MORC1: variants seen among roughly 807,000 people sequenced by gnomAD.
MORC1 encodes the protein MORC family CW-type zinc finger 1.
A neutral mutation model predicts 134.9 loss-of-function variants in MORC1; 59 were observed. The ratio of observed to expected loss-of-function variants is 0.44; its 90% CI spans 0.35 to 0.54. The LOEUF is 0.54. MORC1 is among the 20% of genes least tolerant of loss of function. The pLI, the probability that MORC1 is intolerant of heterozygous loss-of-function variation, is 0.00. For missense variants in MORC1, 947 were observed against 1,134.5 expected, an observed-to-expected ratio of 0.83 and a Z score of 2.37; for synonymous variants, 395 against 391.7, an observed-to-expected ratio of 1.01 and a Z score of -0.10.
At chr3:108,981,291 T>TAA (rs1947711825) in intron 23 of MORC1, among the ~76,000 whole-genome samples, 2 of 152,340 alleles carry the variant, frequency 1.3e-5, no homozygotes, top group South Asian at 4.1e-4. Context: ...GATGAGGATC[T>TAA]TTTAAAATTG....
chr3:108,997,518 A>T (rs1948267771), intron 21 of MORC1, among the ~76,000 whole-genome samples: 1 of 152,182 alleles, frequency 6.6e-6, no homozygotes, highest in Non-Finnish European at 1.5e-5. Flanking sequence ...AAAAAAATTT[A>T]AAAGGTAAAA....
In MORC1 at chr3:109,027,772, T is replaced by C; in HGVS notation, c.1683A>G (p.Arg561=). Residue 561 remains arginine, a synonymous_variant, in exon 17 of 28, where the codon AGA becomes AGG. Coordinates refer to ENST00000232603, the MANE Select transcript of MORC1 (RefSeq NM_014429.4). ...TCACCTGTGGCTGCTGTTCTGCCAG[T>C]CTATTTTGATACTTTATGACCGACT... ...LRESVIKYQN[R]LAEQQPQPQF... 1 of 1,613,880 alleles carries C rather than the reference T, an allele frequency of 6.2e-7. No individual in the cohort carries two copies. The highest frequency in any genetic ancestry group is 8.5e-7 in the Non-Finnish European group (1 of 1,179,846).
rs536395320 is a variant in MORC1 at position 108,989,976 on chromosome 3, G to A, written c.2188-3027C>T. The stretch of plus-strand genomic sequence containing the variant: ...TGGGAGGTAATTGAGTCATGGGGGC[G>A]GGTTTTTCCTGGCTGTTCTTGTGAC... On this transcript the variant is annotated intron_variant, in intron 21 of 27. Transcript: ENST00000232603. Among the ~76,000 whole-genome samples the A allele has an allele frequency of 4.6e-5, 7 of 152,152 alleles. No homozygotes were observed. In the East Asian group the frequency reaches 5.8e-4, roughly 13 times the overall value.
At chr3:109,103,136 C>T (rs540970502) in intron 4 of MORC1, among the ~76,000 whole-genome samples, 2 of 152,302 alleles carry the variant, frequency 1.3e-5, no homozygotes, top group South Asian at 4.1e-4. Flanking sequence ...ACTGAACTCT[C>T]ACCATTTTTT....
At chr3:109,029,987 T>C (rs1949203012) in intron 16 of MORC1, among the ~76,000 whole-genome samples, 1 of 152,186 alleles carries the variant, frequency 6.6e-6, no homozygotes, top group Non-Finnish European at 1.5e-5. Context: ...CATAGGCCTT[T>C]TATAAAAATG....
intron 15 of MORC1, among the ~76,000 whole-genome samples, chr3:109,034,727 C>T (rs1382377522): frequency 1.3e-5 from 2 of 148,532 alleles, no homozygotes; most frequent in African/African-American, 4.9e-5. Flanking sequence ...TTCATCTCTG[C>T]CTATCAAAAT....
intron 2 of MORC1, among the ~76,000 whole-genome samples, 178 bp downstream of exon 2, chr3:109,114,206 G>T (rs1951225893): frequency 6.6e-6 from 1 of 152,126 alleles, no homozygotes; most frequent in South Asian, 2.1e-4. Flanking sequence ...AAATAAAGGT[G>T]AATAATTATT....
At chr3:109,033,314 AAGGAAGGAAGGAAGGAAG>A (rs1949286066) in intron 15 of MORC1, among the ~76,000 whole-genome samples, 3 of 151,342 alleles carry the variant, frequency 2.0e-5, no homozygotes, top group Admixed American at 1.3e-4. Flanking sequence ...GGAAGGAAGG[AAGGAAGGAAGGAAGGAAG>A]GAAGGAAGGA....
chr3:109,011,518 G>GT (rs1224840111), intron 17 of MORC1, among the ~76,000 whole-genome samples: 14 of 146,124 alleles, frequency 9.6e-5, no homozygotes, highest in African/African-American at 3.3e-4. Flanking sequence ...TTTGTGCTTT[G>GT]TTTTTGTTTT....
chr3:109,050,155 G>A (rs1949787635), intron 14 of MORC1, among the ~76,000 whole-genome samples: 1 of 152,110 alleles, frequency 6.6e-6, no homozygotes, highest in Admixed American at 6.6e-5. Flanking sequence ...ACAGACTGTG[G>A]GCTCCTGGCC....
intron 15 of MORC1, among the ~76,000 whole-genome samples, chr3:109,034,985 G>T (rs1252527347): frequency 6.6e-6 from 1 of 152,052 alleles, no homozygotes; most frequent in African/African-American, 2.4e-5. Flanking sequence ...CTGAGCTCAA[G>T]CAATCTACCC....
intron 14 of MORC1, among the ~76,000 whole-genome samples, chr3:109,044,704 G>C (rs1949643724): frequency 6.6e-6 from 1 of 151,992 alleles, no homozygotes; most frequent in Non-Finnish European, 1.5e-5. Flanking sequence ...CAGCACTTTG[G>C]GAAGCTGAGG....
At chr3:108,996,781 C>T (rs571984591) in intron 21 of MORC1, among the ~76,000 whole-genome samples, 9 of 151,570 alleles carry the variant, frequency 5.9e-5, no homozygotes, top group Non-Finnish European at 1.2e-4. Context: ...GAGGCTGAGG[C>T]GGGCGGATCA....
chr3:109,093,149 T>C (rs531986256), intron 8 of MORC1, among the ~76,000 whole-genome samples: 10 of 152,186 alleles, frequency 6.6e-5, no homozygotes, highest in Admixed American at 1.3e-4. Context: ...CTGAATCATC[T>C]GGGGAACATT....
chr3:109,039,875 G>C (rs1249354970), intron 14 of MORC1, among the ~76,000 whole-genome samples: 3 of 152,206 alleles, frequency 2.0e-5, no homozygotes, highest in Middle Eastern at 3.4e-3. Flanking sequence ...GGGGATTTAA[G>C]GGACTGGTGT....
chr3:108,994,901 T>C (rs779332656), intron 21 of MORC1, among the ~76,000 whole-genome samples: 50 of 152,188 alleles, frequency 3.3e-4, no homozygotes, highest in Non-Finnish European at 6.8e-4. Context: ...GGATGTTTAG[T>C]CTGTGTGGTT....
intron 26 of MORC1, among the ~76,000 whole-genome samples, chr3:108,967,366 C>T (rs1947251761): frequency 6.6e-6 from 1 of 152,120 alleles, no homozygotes; most frequent in African/African-American, 2.4e-5. Flanking sequence ...ACAGTGCATT[C>T]AAATCAGAGT....
intron 24 of MORC1, among the ~76,000 whole-genome samples, chr3:108,978,796 GCCCGAGCATCT>G (rs1266117542): frequency 1.3e-5 from 2 of 152,036 alleles, no homozygotes; most frequent in Non-Finnish European, 2.9e-5. Context: ...GTTTTCCCTG[GCCCGAGCATCT>G]CACCCCACAC....
chr3:109,063,033 T>C (rs894935546), intron 10 of MORC1, 119 bp downstream of exon 10: 3 of 631,168 alleles, frequency 4.8e-6, no homozygotes, highest in Non-Finnish European at 8.0e-6. Flanking sequence ...GAAACTACAT[T>C]TAATTAATTG....
Sources: allele counts gnomAD v4.1 joint callset (sites outside exome capture counted in the v4.1 genomes callset), GRCh38; gene constraint gnomAD v4.1.1; transcripts MANE v1.5; gene names NCBI Gene and HGNC (gene_info 2026-07-23, HGNC 2026-07-21).